IRAK2: variants seen among roughly 807,000 people sequenced by gnomAD.
IRAK2 encodes interleukin-1 receptor-associated kinase-like 2.
A neutral mutation model predicts 72.0 loss-of-function variants in IRAK2; 57 were observed. The ratio of observed to expected loss-of-function variants is 0.79; its 90% CI spans 0.64 to 0.99. The LOEUF (loss-of-function observed/expected upper bound fraction) is 0.99. IRAK2 is among the 50% of genes least tolerant of loss of function. The pLI, the probability that IRAK2 is intolerant of heterozygous loss-of-function variation, is 0.00. For missense variants in IRAK2, 790 were observed against 794.4 expected (o/e 0.99, Z 0.07); for synonymous variants, 293 against 312.7 (o/e 0.94, Z 0.67).
At chr3:10,239,172 TCA>T in intron 12 of IRAK2, 133 bp downstream of exon 12, 3 of 830,970 alleles carry the variant, frequency 3.6e-6, no homozygotes, top group Non-Finnish European at 1.8e-6. Context: ...AGCCAGTTTT[TCA>T]CAGAGAAACC....
chr3:10,194,992 C>A (rs1697241053), intron 2 of IRAK2, among the ~76,000 whole-genome samples: 1 of 152,132 alleles, frequency 6.6e-6, no homozygotes. Context: ...GCCCTGCCGA[C>A]ACCGCCCCTC....
chr3:10,218,197 GT>G (rs1697634870), intron 7 of IRAK2, among the ~76,000 whole-genome samples: 1 of 152,168 alleles, frequency 6.6e-6, no homozygotes, highest in Non-Finnish European at 1.5e-5. Context: ...GCCGAGGTGG[GT>G]GGATCACTTG....
At chr3:10,189,500 A>G (rs1480169933) in intron 2 of IRAK2, among the ~76,000 whole-genome samples, 1 of 152,242 alleles carries the variant, frequency 6.6e-6, no homozygotes, top group Non-Finnish European at 1.5e-5. Flanking sequence ...TCAACTGAGT[A>G]GGACAGGAAG....
chr3:10,194,953 A>C (rs1337570012), intron 2 of IRAK2, among the ~76,000 whole-genome samples: 1 of 152,056 alleles, frequency 6.6e-6, no homozygotes, highest in African/African-American at 2.4e-5. Flanking sequence ...TGTTAGCCCC[A>C]AGTGTGCTGA....
At chr3:10,201,047 A>G (rs1296077508) in intron 3 of IRAK2, among the ~76,000 whole-genome samples, 1 of 152,250 alleles carries the variant, frequency 6.6e-6, no homozygotes, top group Non-Finnish European at 1.5e-5. Context: ...AGTAGAAAAA[A>G]TCAGGTAACA....
chr3:10,228,097 G>A (rs1251917576), intron 10 of IRAK2, among the ~76,000 whole-genome samples: 1 of 152,064 alleles, frequency 6.6e-6, no homozygotes, highest in African/African-American at 2.4e-5. Flanking sequence ...GACCAGTGGT[G>A]GAAGTGGGGT....
chr3:10,242,008 C>T, intron 12 of IRAK2, 108 bp from the exon 13 acceptor site: 4 of 561,684 alleles, frequency 7.1e-6, no homozygotes, highest in Non-Finnish European at 1.3e-5. Flanking sequence ...AAGAAATGCT[C>T]ATTACACTCA....
At chr3:10,173,598 G>A (rs1308133291) in intron 1 of IRAK2, among the ~76,000 whole-genome samples, 1 of 152,138 alleles carries the variant, frequency 6.6e-6, no homozygotes, top group East Asian at 1.9e-4. Context: ...AAGGAGGGTG[G>A]ATCACTTGAG....
In IRAK2 at chr3:10,242,386, T is replaced by C; in HGVS notation, c.*158T>C. 3 of 475,676 alleles carry C rather than the reference T, an allele frequency of 6.3e-6. No homozygotes were observed. In the South Asian group the frequency reaches 1.1e-4, roughly 17 times the overall value. 29.5% of individuals were successfully genotyped at this position (475,676 alleles called of 1,614,324 possible). A position where few individuals can be genotyped will look rare whatever the true frequency, so the allele number is the denominator to read the frequency against. On this transcript the variant is annotated 3_prime_UTR_variant, in exon 13 of 13. Coordinates refer to ENST00000256458, the MANE Select transcript of IRAK2 (RefSeq NM_001570.4). ...GAAACTTCATTTCACTGGAATGAGT[T>C]GGGAGAGAAAGGCCCTCAGCTTTTA...
At chr3:10,202,350 G>A (rs922569429) in intron 3 of IRAK2, among the ~76,000 whole-genome samples, 9 of 152,178 alleles carry the variant, frequency 5.9e-5, no homozygotes, top group African/African-American at 1.4e-4. Context: ...CCAGCCGGGC[G>A]TGGTAGCTCA....
At chr3:10,184,380 C>T (rs529578384) in intron 2 of IRAK2, among the ~76,000 whole-genome samples, 1 of 152,362 alleles carries the variant, frequency 6.6e-6, no homozygotes, top group African/African-American at 2.4e-5. Flanking sequence ...TATCTGTATA[C>T]ACCTGTCTTG....
chr3:10,219,148 T>C (rs1358764462), intron 7 of IRAK2, among the ~76,000 whole-genome samples: 1 of 152,160 alleles, frequency 6.6e-6, no homozygotes, highest in East Asian at 1.9e-4. Flanking sequence ...CAGTGAGCTA[T>C]GATGCTGCAC....
At chr3:10,169,834 A>G (rs193272749) in intron 1 of IRAK2, among the ~76,000 whole-genome samples, 78 of 152,402 alleles carry the variant, frequency 5.1e-4, no homozygotes, top group Admixed American at 1.1e-3. Flanking sequence ...ATAGGAAATT[A>G]TAAGAGTATA....
At chr3:10,214,048 C>A (rs1697563881) in intron 6 of IRAK2, among the ~76,000 whole-genome samples, 3 of 152,024 alleles carry the variant, frequency 2.0e-5, no homozygotes, top group Admixed American at 2.0e-4. Flanking sequence ...CGTGCCTTAG[C>A]CTCCCGAGTA....
At chr3:10,240,558 C>CCTTT (rs1274154130) in intron 12 of IRAK2, among the ~76,000 whole-genome samples, 1 of 18,066 alleles carries the variant, frequency 5.5e-5, no homozygotes, top group Non-Finnish European at 8.2e-5. Flanking sequence ...CCCCCCCCGC[C>CCTTT]TTTTTTTTTT....
At chr3:10,187,053 G>C (rs1474747870) in intron 2 of IRAK2, among the ~76,000 whole-genome samples, 1 of 150,356 alleles carries the variant, frequency 6.7e-6, no homozygotes, top group Non-Finnish European at 1.5e-5. Context: ...AGTATCTGAA[G>C]TGCATTTCTT....
intron 3 of IRAK2, among the ~76,000 whole-genome samples, chr3:10,203,579 C>G (rs917437544): frequency 6.6e-6 from 1 of 152,142 alleles, no homozygotes; most frequent in Non-Finnish European, 1.5e-5. Flanking sequence ...CCCTGGCTCC[C>G]CCTTGCAGTA....
intron 10 of IRAK2, among the ~76,000 whole-genome samples, chr3:10,229,920 G>A (rs911587407): frequency 6.6e-6 from 1 of 152,138 alleles, no homozygotes; most frequent in Non-Finnish European, 1.5e-5. Flanking sequence ...GGGCAACATG[G>A]TGAAACCCCG....
At chr3:10,177,804 T>G in intron 1 of IRAK2, 34 bp from the exon 2 acceptor site, 1 of 1,602,022 alleles carries the variant, frequency 6.2e-7, no homozygotes, top group Non-Finnish European at 8.5e-7. Flanking sequence ...ACTGCCTCTC[T>G]GACTCTAAGC....
Sources: allele counts gnomAD v4.1 joint callset (sites outside exome capture counted in the v4.1 genomes callset), GRCh38; gene constraint gnomAD v4.1.1; transcripts MANE v1.5; gene names NCBI Gene and HGNC (gene_info 2026-07-23, HGNC 2026-07-21).